Variants in CNTNAP2 observed in about 807,000 individuals in gnomAD.
The protein encoded by CNTNAP2 is contactin associated protein 2, also known as contactin-associated protein-like 2.
CNTNAP2 carries 98 observed loss-of-function variants against 155.2 expected under a neutral mutation model. That is an observed-to-expected ratio of 0.63 (90% confidence interval 0.54 to 0.75). The LOEUF (loss-of-function observed/expected upper bound fraction) is 0.75, where lower values mean the gene tolerates loss of function less well. CNTNAP2 is among the 30% of genes least tolerant of loss of function. CNTNAP2 has a pLI of 0.00. For synonymous variants in CNTNAP2, 651 were observed against 631.2 expected (o/e 1.03, Z -0.47); for missense variants, 1,727 against 1,688.1 (o/e 1.02, Z -0.40).
chr7:146,656,605 G>A (rs1799999271), intron 1 of CNTNAP2, among the ~76,000 whole-genome samples: 2 of 152,154 alleles, frequency 1.3e-5, no homozygotes, highest in African/African-American at 2.4e-5. Flanking sequence ...GGCTTAACAG[G>A]TGTGCCAATG....
chr7:146,856,308 A>G (rs1014448422), intron 3 of CNTNAP2, among the ~76,000 whole-genome samples: 30 of 147,020 alleles, frequency 2.0e-4, no homozygotes, highest in African/African-American at 6.5e-4. Flanking sequence ...ATACATACAT[A>G]CATACATACA....
At chr7:147,259,977 C>T (rs867680496) in intron 8 of CNTNAP2, among the ~76,000 whole-genome samples, 5 of 152,284 alleles carry the variant, frequency 3.3e-5, no homozygotes, top group Middle Eastern at 3.4e-3. Context: ...ATCCCTCCCT[C>T]CCCACAAAAG....
intron 20 of CNTNAP2, among the ~76,000 whole-genome samples, chr7:148,240,878 G>A (rs746306128): frequency 6.6e-6 from 1 of 152,190 alleles, no homozygotes; most frequent in Non-Finnish European, 1.5e-5. Context: ...ATGAAGGCCA[G>A]AAGATGCAGC....
At chr7:148,414,440 GATC>G (rs1286619763) in intron 23 of CNTNAP2, among the ~76,000 whole-genome samples, 2 of 151,258 alleles carry the variant, frequency 1.3e-5, no homozygotes, top group Non-Finnish European at 2.9e-5. Flanking sequence ...CCCTCATTTT[GATC>G]ATGTTTTCCT....
chr7:147,091,390 T>C (rs1011188975), intron 4 of CNTNAP2, among the ~76,000 whole-genome samples: 3 of 152,056 alleles, frequency 2.0e-5, no homozygotes, highest in African/African-American at 7.2e-5. Context: ...GTGCCAACCC[T>C]TGGAATGAAG....
rs1393293301 is a variant in CNTNAP2, at chr7:146,918,345, C to G, written c.402+78441C>G. On this transcript the variant is annotated intron_variant, in intron 3 of 23. Coordinates refer to ENST00000361727, the MANE Select transcript of CNTNAP2 (RefSeq NM_014141.6). ...CGAGGATTTTTTTCAAGATTTAGAGCTCCTTTTAGCAGTTCTTATAGTGCT... is the reference window on the plus strand; with the variant it reads ...CGAGGATTTTTTTCAAGATTTAGAGGTCCTTTTAGCAGTTCTTATAGTGCT... Among the ~76,000 whole-genome samples, 4 of 151,902 alleles carry G rather than the reference C, an allele frequency of 2.6e-5. No individual in the cohort carries two copies. The South Asian group carries it at 8.3e-4, about 32-fold the overall frequency.
chr7:147,848,519 C>A (rs978091090), intron 13 of CNTNAP2, among the ~76,000 whole-genome samples: 1 of 150,888 alleles, frequency 6.6e-6, no homozygotes. Flanking sequence ...TGAGATGAAC[C>A]CGGTACCTCA....
intron 10 of CNTNAP2, among the ~76,000 whole-genome samples, chr7:147,460,143 AAG>A (rs1267870825): frequency 6.6e-6 from 1 of 152,100 alleles, no homozygotes; most frequent in African/African-American, 2.4e-5. Context: ...AAAAAAAAGA[AAG>A]AAGAGGAAAA....
At chr7:146,952,766 A>G (rs962511867) in intron 3 of CNTNAP2, among the ~76,000 whole-genome samples, 2 of 152,142 alleles carry the variant, frequency 1.3e-5, no homozygotes, top group Non-Finnish European at 2.9e-5. Context: ...CCACAGCTCA[A>G]GGAAATAAGA....
At chr7:146,169,273 A>G (rs1798355751) in intron 1 of CNTNAP2, among the ~76,000 whole-genome samples, 1 of 152,174 alleles carries the variant, frequency 6.6e-6, no homozygotes, top group African/African-American at 2.4e-5. Flanking sequence ...TATTAGGGAT[A>G]TTTATCTCTT....
rs186458500 is a variant in CNTNAP2 at position 148,201,328 on chromosome 7, A to C, written c.3011-15960A>C. Among the ~76,000 whole-genome samples the C allele has an allele frequency of 2.5e-3, 376 of 152,302 alleles. 1 individual carries two copies. The highest frequency in any genetic ancestry group is 8.8e-3 in the African/African-American group (365 of 41,554). Reference sequence around the variant, plus strand: ...TTGAAGCTCTTGCTACTCTAATCAAATTGTTTTATTTGTGAGAGTTCGCTT... The same window carrying C: ...TTGAAGCTCTTGCTACTCTAATCAACTTGTTTTATTTGTGAGAGTTCGCTT... On this transcript the variant is annotated intron_variant, in intron 18 of 23. Coordinates refer to ENST00000361727, the MANE Select transcript of CNTNAP2 (RefSeq NM_014141.6).
In CNTNAP2 at chr7:148,145,983, A is replaced by G. The variant is rs146723128; in HGVS notation, c.2555-1508A>G. ...GTTGATTAAATTGAGCTCTGTGTCT[A>G]ATATCCCTGTAGCTCAATAAAGTTA... On this transcript the variant is annotated intron_variant, in intron 16 of 23. Transcript: ENST00000361727. Among the ~76,000 whole-genome samples, 1,141 of 152,346 alleles carry G rather than the reference A, an allele frequency of 7.5e-3. 12 individuals carry two copies. The highest frequency in any genetic ancestry group is 0.019 in the Admixed American group (291 of 15,306).
intron 13 of CNTNAP2, chr7:147,643,313 C>A (rs969204193): frequency 3.9e-5 from 6 of 152,148 alleles, no homozygotes; most frequent in Non-Finnish European, 7.4e-5. Flanking sequence ...ATATACCAGT[C>A]TCTAAATATC....
chr7:147,476,722 T>A (rs1296078523), intron 10 of CNTNAP2, among the ~76,000 whole-genome samples: 1 of 151,774 alleles, frequency 6.6e-6, no homozygotes, highest in Admixed American at 6.6e-5. Flanking sequence ...AAGTCAGGAG[T>A]TCGAGACCAG....
At chr7:146,382,976 C>T (rs1438785496) in intron 1 of CNTNAP2, among the ~76,000 whole-genome samples, 1 of 151,912 alleles carries the variant, frequency 6.6e-6, no homozygotes, top group African/African-American at 2.4e-5. Flanking sequence ...TATGATTTTC[C>T]CCTTCACTGA....
intron 18 of CNTNAP2, among the ~76,000 whole-genome samples, chr7:148,189,558 G>A (rs1193055857): frequency 6.6e-6 from 1 of 152,156 alleles, no homozygotes; most frequent in Non-Finnish European, 1.5e-5. Flanking sequence ...TCAAGGGCAT[G>A]GCTCCTCTTC....
intron 13 of CNTNAP2, among the ~76,000 whole-genome samples, chr7:147,828,755 G>A (rs1277723329): frequency 6.6e-6 from 1 of 152,148 alleles, no homozygotes; most frequent in Non-Finnish European, 1.5e-5. Flanking sequence ...TTGTGAAAGA[G>A]TAATTAAAGT....
At chr7:146,880,418 G>A (rs531482106) in intron 3 of CNTNAP2, among the ~76,000 whole-genome samples, 21 of 151,798 alleles carry the variant, frequency 1.4e-4, no homozygotes, top group African/African-American at 3.4e-4. Flanking sequence ...GCACCATGTC[G>A]GCACCATGTC....
chr7:147,233,803 A>G (rs1197041107), intron 8 of CNTNAP2, among the ~76,000 whole-genome samples: 1 of 152,054 alleles, frequency 6.6e-6, no homozygotes, highest in African/African-American at 2.4e-5. Context: ...TAAAACAAAG[A>G]TATATAATTT....
Sources: gnomAD v4.1 joint callset for allele counts (sites outside exome capture counted in the v4.1 genomes callset) on GRCh38, gnomAD v4.1.1 for gene constraint, MANE v1.5 for transcripts, NCBI Gene and HGNC (gene_info 2026-07-23, HGNC 2026-07-21) for gene names.